Variants in ITGA9 observed in about 807,000 individuals in gnomAD.
ITGA9 encodes integrin subunit alpha 9.
Under a neutral mutation model 127.8 loss-of-function variants are expected in ITGA9, and 56 were observed. That is an observed-to-expected ratio of 0.44 (90% confidence interval 0.35 to 0.55). The LOEUF (loss-of-function observed/expected upper bound fraction) is 0.55, where lower values mean the gene tolerates loss of function less well. ITGA9 is among the 20% of genes least tolerant of loss of function. The probability of loss-of-function intolerance (pLI) is 0.00; values close to 1 mark genes in which losing one functional copy is unlikely to be tolerated. For synonymous variants in ITGA9, 508 were observed against 514.5 expected (o/e 0.99, Z 0.17); for missense variants, 1,196 against 1,347.1 (o/e 0.89, Z 1.76).
intron 16 of ITGA9, among the ~76,000 whole-genome samples, chr3:37,636,016 T>C (rs575016078): frequency 7.2e-5 from 11 of 152,142 alleles, no homozygotes; most frequent in Non-Finnish European, 1.6e-4. Flanking sequence ...CACATTTTCT[T>C]AATCCAGTCT....
rs1315264748 is a variant in ITGA9 at position 37,508,572 on chromosome 3, G to A, written c.842G>A (p.Arg281Lys). 4 of 1,612,506 alleles carry A rather than the reference G, an allele frequency of 2.5e-6. No individual in the cohort carries two copies. Among genetic ancestry groups the A allele is most frequent in the Non-Finnish European group, 3.4e-6 (4 of 1,179,270 alleles). ...TTCATTCCATAGGTTTATATTTTCAGAGCTGACCGAAGATCAGGCACCTTA... is the reference window on the plus strand; with the variant it reads ...TTCATTCCATAGGTTTATATTTTCAAAGCTGACCGAAGATCAGGCACCTTA... ...DKGIGKVYIF[R>K]ADRRSGTLIK... is the part of the protein sequence containing the mutation. The change falls in exon 8 of 28, where the codon AGA becomes AAA. Residue 281 changes from arginine (R) to lysine (K), a missense_variant. By Grantham distance (26) the Arg-to-Lys change is conservative. Transcript: ENST00000264741.
At chr3:37,624,292 G>A (rs966136776) in intron 15 of ITGA9, among the ~76,000 whole-genome samples, 9 of 145,750 alleles carry the variant, frequency 6.2e-5, no homozygotes, top group Non-Finnish European at 1.0e-4. Flanking sequence ...AGGGTTCCCA[G>A]GTCCAGCTTT....
chr3:37,544,027 T>C (rs1467265746), intron 15 of ITGA9, among the ~76,000 whole-genome samples: 2 of 152,252 alleles, frequency 1.3e-5, no homozygotes, highest in Non-Finnish European at 2.9e-5. Flanking sequence ...ATGCAAACAC[T>C]GTCAGGCCTT....
intron 16 of ITGA9, among the ~76,000 whole-genome samples, chr3:37,646,494 G>A (rs1013710900): frequency 4.6e-5 from 7 of 152,244 alleles, no homozygotes; most frequent in African/African-American, 1.4e-4. Flanking sequence ...GAGGCCACTG[G>A]ATGTCCAGTC....
At chr3:37,506,966 G>A (rs80242839) in intron 7 of ITGA9, among the ~76,000 whole-genome samples, 7,133 of 152,274 alleles carry the variant, frequency 0.047, 184 homozygotes, top group African/African-American at 0.06. Flanking sequence ...GGAGCCTTCA[G>A]CCAGGAGGTC....
chr3:37,757,328 T>C (rs1319121850), intron 23 of ITGA9, among the ~76,000 whole-genome samples: 1 of 151,842 alleles, frequency 6.6e-6, no homozygotes, highest in Non-Finnish European at 1.5e-5. Flanking sequence ...AGAAATACTT[T>C]TTAAAGAAGT....
chr3:37,557,372 G>A (rs1024392986), intron 15 of ITGA9, among the ~76,000 whole-genome samples: 1 of 152,168 alleles, frequency 6.6e-6, no homozygotes, highest in Non-Finnish European at 1.5e-5. Context: ...TAGTGAGTAC[G>A]CTGTGTGCGG....
intron 18 of ITGA9, among the ~76,000 whole-genome samples, chr3:37,714,710 TC>T (rs777730843): frequency 2.6e-5 from 4 of 152,220 alleles, no homozygotes; most frequent in Non-Finnish European, 5.9e-5. Flanking sequence ...CGTGGGCTCC[TC>T]CCCAGACCTA....
intron 23 of ITGA9, among the ~76,000 whole-genome samples, chr3:37,766,865 G>C (rs1471378872): frequency 6.6e-6 from 1 of 152,174 alleles, no homozygotes; most frequent in Non-Finnish European, 1.5e-5. Flanking sequence ...GAATCTGACG[G>C]CATCTGGAAA....
chr3:37,675,812 C>T (rs1700676126), intron 17 of ITGA9, among the ~76,000 whole-genome samples: 1 of 138,274 alleles, frequency 7.2e-6, no homozygotes, highest in South Asian at 2.3e-4. Context: ...GGTGTGATCT[C>T]GGCTCACTGC....
At chr3:37,546,718 G>C (rs928067083) in intron 15 of ITGA9, among the ~76,000 whole-genome samples, 3 of 152,196 alleles carry the variant, frequency 2.0e-5, no homozygotes, top group Non-Finnish European at 4.4e-5. Context: ...GGTCACAAAG[G>C]CTTCTGATAT....
chr3:37,790,574 A>C (rs549224299), intron 26 of ITGA9: 1 of 231,302 alleles, frequency 4.3e-6, no homozygotes, highest in African/African-American at 2.3e-5. Flanking sequence ...CCATGGTACA[A>C]GTTGTGCTTT....
intron 15 of ITGA9, among the ~76,000 whole-genome samples, chr3:37,628,276 C>T (rs1354358310): frequency 3.3e-5 from 5 of 152,128 alleles, no homozygotes; most frequent in Non-Finnish European, 5.9e-5. Flanking sequence ...GCACCCCCGC[C>T]GAGCTCACTG....
At chr3:37,634,499 A>T (rs946171316) in intron 16 of ITGA9, among the ~76,000 whole-genome samples, 1 of 152,208 alleles carries the variant, frequency 6.6e-6, no homozygotes, top group Admixed American at 6.5e-5. Context: ...CTGTAAAAAC[A>T]GACGAAGATC....
chr3:37,545,461 T>G (rs1365612907), intron 15 of ITGA9, among the ~76,000 whole-genome samples: 1 of 152,186 alleles, frequency 6.6e-6, no homozygotes, highest in Admixed American at 6.5e-5. Context: ...GGCTAACACC[T>G]GTTTTCCAGG....
intron 17 of ITGA9, among the ~76,000 whole-genome samples, chr3:37,670,261 A>G (rs1437058883): frequency 6.6e-6 from 1 of 152,094 alleles, no homozygotes; most frequent in Non-Finnish European, 1.5e-5. Context: ...ACAGTTTCTA[A>G]TGTCTTCTTA....
intron 15 of ITGA9, among the ~76,000 whole-genome samples, chr3:37,600,159 C>T (rs1334292719): frequency 1.3e-5 from 2 of 152,146 alleles, no homozygotes; most frequent in Non-Finnish European, 2.9e-5. Context: ...ATTATAAATA[C>T]AATAATTTTA....
intron 15 of ITGA9, among the ~76,000 whole-genome samples, chr3:37,544,001 C>T (rs369169491): frequency 2.6e-5 from 4 of 152,204 alleles, no homozygotes; most frequent in Middle Eastern, 3.2e-3. Flanking sequence ...TGTGAGGCTG[C>T]GCAGTACAGG....
intron 4 of ITGA9, among the ~76,000 whole-genome samples, chr3:37,483,950 T>C (rs1393808798): frequency 6.6e-6 from 1 of 152,226 alleles, no homozygotes; most frequent in Non-Finnish European, 1.5e-5. Flanking sequence ...AATGGTAATT[T>C]CTGTTAGTTT....
Sources: gnomAD v4.1 joint callset for allele counts (sites outside exome capture counted in the v4.1 genomes callset) on GRCh38, gnomAD v4.1.1 for gene constraint, MANE v1.5 for transcripts, NCBI Gene and HGNC (gene_info 2026-07-23, HGNC 2026-07-21) for gene names.